The following NPAS3 variants were observed in gnomAD, a reference collection of about 807,000 sequenced individuals.
The protein encoded by NPAS3 is neuronal PAS domain protein 3, also known as neuronal PAS domain-containing protein 3.
A neutral mutation model predicts 73.1 loss-of-function variants in NPAS3; 14 were observed. That is an observed-to-expected ratio of 0.19 (90% CI 0.13 to 0.30). The LOEUF (loss-of-function observed/expected upper bound fraction) is 0.30. Ranked by LOEUF, NPAS3 falls within the 10% of genes least tolerant of loss-of-function variation. The probability of loss-of-function intolerance (pLI) is 1.00; values close to 1 mark genes in which losing one functional copy is unlikely to be tolerated. For synonymous variants in NPAS3, 620 were observed against 541.5 expected, an observed-to-expected ratio of 1.14 and a Z score of -2.01; for missense variants, 1,096 against 1,250.0, an observed-to-expected ratio of 0.88 and a Z score of 1.86.
At chr14:33,612,027 G>A (rs2057764798) in intron 5 of NPAS3, among the ~76,000 whole-genome samples, 1 of 152,162 alleles carries the variant, frequency 6.6e-6, no homozygotes, top group Non-Finnish European at 1.5e-5. Context: ...AGTGGCCAGA[G>A]GCCTCTGGGC....
At chr14:33,244,926 C>T (rs1313429133) in intron 3 of NPAS3, among the ~76,000 whole-genome samples, 1 of 152,148 alleles carries the variant, frequency 6.6e-6, no homozygotes, top group African/African-American at 2.4e-5. Flanking sequence ...TTTTAAACTT[C>T]TTTTCTTGTT....
chr14:33,168,078 A>G (rs1018887776), intron 2 of NPAS3, among the ~76,000 whole-genome samples: 2 of 152,034 alleles, frequency 1.3e-5, no homozygotes, highest in African/African-American at 4.8e-5. Context: ...TTCTTGACTG[A>G]TTTCCGGGCT....
chr14:33,766,169 A>C lies in NPAS3; in HGVS notation c.853-8168A>C, dbSNP rs572977143. On this transcript the variant is annotated intron_variant, in intron 7 of 11. Transcript: ENST00000356141. ...TGTAAGAGTAACAATACCCATGTTC[A>C]CATGCATACGTGTACCTGAAGTCTG... 3.3e-5 allele frequency among the ~76,000 whole-genome samples: 5 copies of C among 152,316 alleles called. No homozygotes were observed. In the South Asian group the frequency reaches 1.0e-3, roughly 32 times the overall value.
intron 5 of NPAS3, among the ~76,000 whole-genome samples, chr14:33,649,124 C>T (rs944598616): frequency 6.6e-6 from 1 of 152,050 alleles, no homozygotes; most frequent in African/African-American, 2.4e-5. Flanking sequence ...CCCACAATGC[C>T]CTATAGGTTA....
chr14:33,373,497 A>C (rs886535155), intron 4 of NPAS3, among the ~76,000 whole-genome samples: 1 of 151,658 alleles, frequency 6.6e-6, no homozygotes, highest in Non-Finnish European at 1.5e-5. Flanking sequence ...TTTATTCATC[A>C]CTCATTTTGG....
At chr14:33,379,977 C>CGTGTGT (rs34208750) in intron 4 of NPAS3, among the ~76,000 whole-genome samples, 8,829 of 144,236 alleles carry the variant, frequency 0.061, 355 homozygotes, top group African/African-American at 0.1. Flanking sequence ...AGTTATCCCT[C>CGTGTGT]GTGTGTGTGT....
At chr14:33,209,068 G>T (rs563934928) in intron 2 of NPAS3, among the ~76,000 whole-genome samples, 46 of 152,266 alleles carry the variant, frequency 3.0e-4, no homozygotes, top group African/African-American at 1.0e-3. Flanking sequence ...GAACTTGAAG[G>T]TTCCAGTTTT....
At chr14:33,220,174 A>G (rs1297516735) in intron 3 of NPAS3, among the ~76,000 whole-genome samples, 1 of 152,184 alleles carries the variant, frequency 6.6e-6, no homozygotes, top group Non-Finnish European at 1.5e-5. Context: ...AGTAGGGCAA[A>G]GATGGTAACT....
downstream of NPAS3, chr14:33,801,276 C>A: frequency 7.4e-7 from 1 of 1,356,040 alleles, no homozygotes. Flanking sequence ...CTTATTCTTT[C>A]GTGTAAAGAT....
intron 5 of NPAS3, among the ~76,000 whole-genome samples, chr14:33,595,482 TA>T (rs2139968861): frequency 6.6e-6 from 1 of 152,276 alleles, no homozygotes; most frequent in East Asian, 1.9e-4. Flanking sequence ...AATGCTGAAA[TA>T]AAATGCTGTG....
intron 2 of NPAS3, among the ~76,000 whole-genome samples, chr14:33,100,512 A>G (rs1410098297): frequency 6.6e-6 from 1 of 152,202 alleles, no homozygotes; most frequent in Admixed American, 6.5e-5. Context: ...CTACATTTAT[A>G]TTACAAGGGG....
chr14:32,969,736 G>T (rs2139302169), intron 1 of NPAS3, among the ~76,000 whole-genome samples: 1 of 152,262 alleles, frequency 6.6e-6, no homozygotes, highest in East Asian at 1.9e-4. Context: ...TGTAGACTTT[G>T]TAAAAATCCT....
intron 4 of NPAS3, among the ~76,000 whole-genome samples, chr14:33,523,505 G>C: frequency 6.8e-6 from 1 of 147,386 alleles, no homozygotes; most frequent in Non-Finnish European, 1.5e-5. Flanking sequence ...GCTCATGCCT[G>C]TAATCCCAGC....
chr14:32,949,528 A>C (rs998391611), intron 1 of NPAS3, among the ~76,000 whole-genome samples: 3 of 152,050 alleles, frequency 2.0e-5, no homozygotes, highest in Non-Finnish European at 2.9e-5. Context: ...AAACAATGGA[A>C]ACAGAAGCCG....
chr14:33,399,606 A>C (rs1488887245), intron 4 of NPAS3, among the ~76,000 whole-genome samples: 1 of 151,954 alleles, frequency 6.6e-6, no homozygotes, highest in African/African-American at 2.4e-5. Context: ...TCATTTACTA[A>C]GTCCTTTCTA....
At chr14:33,112,992 T>C (rs1195461017) in intron 2 of NPAS3, among the ~76,000 whole-genome samples, 1 of 152,194 alleles carries the variant, frequency 6.6e-6, no homozygotes, top group Non-Finnish European at 1.5e-5. Flanking sequence ...TGCGGCATTA[T>C]TTCTGAGGGC....
At chr14:32,948,079 C>T (rs2036334070) in intron 1 of NPAS3, among the ~76,000 whole-genome samples, 1 of 152,098 alleles carries the variant, frequency 6.6e-6, no homozygotes, top group African/African-American at 2.4e-5. Flanking sequence ...TTTAAACAGT[C>T]TGTTCATAAG....
rs369069723 is a variant in NPAS3, at chr14:33,342,993, T to C, written c.386-24193T>C. On this transcript the variant is annotated intron_variant, in intron 3 of 11. Coordinates refer to ENST00000356141, the Ensembl canonical transcript of NPAS3. Reference sequence around the variant, plus strand: ...CTCAATGCCATGCATGTAATGTCTCTTTTGTTGCATGTTTAATTCTTTATC... The same window carrying C: ...CTCAATGCCATGCATGTAATGTCTCCTTTGTTGCATGTTTAATTCTTTATC... Among the ~76,000 whole-genome samples, 117 of 152,360 alleles carry C rather than the reference T, an allele frequency of 7.7e-4. 2 individuals carry two copies. Among genetic ancestry groups the C allele is most frequent in the African/African-American group, 2.8e-3 (115 of 41,592 alleles).
At chr14:33,208,663 T>C (rs1400601889) in intron 2 of NPAS3, among the ~76,000 whole-genome samples, 1 of 152,182 alleles carries the variant, frequency 6.6e-6, no homozygotes, top group Non-Finnish European at 1.5e-5. Flanking sequence ...GGAAAAATAA[T>C]GGTCATTTCA....
Sources: gnomAD v4.1 joint callset for allele counts (sites outside exome capture counted in the v4.1 genomes callset) on GRCh38, gnomAD v4.1.1 for gene constraint, MANE v1.5 for transcripts, NCBI Gene and HGNC (gene_info 2026-07-23, HGNC 2026-07-21) for gene names.